The following KDM4C variants were observed in gnomAD, a reference collection of about 807,000 sequenced individuals.
KDM4C encodes the protein lysine demethylase 4C.
KDM4C carries 81 observed loss-of-function variants against 129.3 expected under a neutral mutation model. That is an observed-to-expected ratio of 0.63 (90% CI 0.52 to 0.75). The LOEUF (loss-of-function observed/expected upper bound fraction) is 0.75. Among genes scored for constraint, KDM4C ranks in the 30% least tolerant of loss-of-function variants. The pLI is 0.00. For missense variants in KDM4C, 1,457 were observed against 1,304.0 expected (o/e 1.12, Z -1.81); for synonymous variants, 573 against 456.1 (o/e 1.26, Z -3.26).
chr9:6,752,332 C>CAAAAAAAAA (rs1159747148), intron 1 of KDM4C, among the ~76,000 whole-genome samples: 12 of 19,260 alleles, frequency 6.2e-4, no homozygotes, highest in Non-Finnish European at 1.1e-3. Flanking sequence ...AACTCCGTCT[C>CAAAAAAAAA]AAAAAAAAAA....
intron 17 of KDM4C, among the ~76,000 whole-genome samples, chr9:7,055,689 C>T (rs908291642): frequency 1.3e-5 from 2 of 152,220 alleles, no homozygotes; most frequent in Non-Finnish European, 2.9e-5. Flanking sequence ...TACAATCACA[C>T]TTCCTATTTC....
chr9:6,915,022 T>C (rs978882242), intron 8 of KDM4C, among the ~76,000 whole-genome samples: 1 of 152,242 alleles, frequency 6.6e-6, no homozygotes, highest in Non-Finnish European at 1.5e-5. Context: ...GTTGGACTTA[T>C]AAAAAGGGGC....
At chr9:6,976,671 T>C (rs867199088) in intron 8 of KDM4C, among the ~76,000 whole-genome samples, 2 of 152,186 alleles carry the variant, frequency 1.3e-5, no homozygotes, top group African/African-American at 4.8e-5. Context: ...CAAAGATAAT[T>C]AGCTGATAGC....
chr9:6,931,482 T>G (rs151019555), intron 8 of KDM4C, among the ~76,000 whole-genome samples: 55 of 151,828 alleles, frequency 3.6e-4, no homozygotes, highest in Admixed American at 1.5e-3. Context: ...TGGATGTCAG[T>G]AAGCAATAGT....
intron 17 of KDM4C, among the ~76,000 whole-genome samples, chr9:7,092,109 C>T (rs991252275): frequency 1.3e-5 from 2 of 152,144 alleles, no homozygotes; most frequent in Admixed American, 1.3e-4. Context: ...TTACATTCTG[C>T]TGTTTCTTTT....
intron 5 of KDM4C, among the ~76,000 whole-genome samples, chr9:6,856,913 G>A (rs972158994): frequency 2.6e-5 from 4 of 151,814 alleles, no homozygotes; most frequent in Admixed American, 2.0e-4. Flanking sequence ...GCCCGCCACC[G>A]CGCCCGGCTA....
chr9:6,872,014 G>C (rs1210689473), intron 5 of KDM4C, among the ~76,000 whole-genome samples: 1 of 152,184 alleles, frequency 6.6e-6, no homozygotes, highest in Non-Finnish European at 1.5e-5. Flanking sequence ...GTGGAATCTG[G>C]GTGGGGTTTG....
chr9:7,076,405 A>T (rs1373276183), intron 17 of KDM4C: 2 of 1,470,014 alleles, frequency 1.4e-6, no homozygotes, highest in Non-Finnish European at 1.9e-6. Flanking sequence ...GGCATATTGG[A>T]CTTTTAAAAT....
Position 6,737,050 on chromosome 9 carries a change from CAAAAAAAAAAA to C in KDM4C, c.49+16067_49+16077del, listed in dbSNP as rs566235532. ...TGGGCGACACAGCGAGATTCTGTCT[CAAAAAAAAAAA>C]AAAAAAAAAAAAAGTTTTTCAGTCC... On this transcript the variant is annotated intron_variant, in intron 1 of 17. Coordinates refer to the KDM4C transcript ENST00000536108. 1.9e-4 allele frequency among the ~76,000 whole-genome samples: 7 copies of C among 36,418 alleles called. No individual in the cohort carries two copies. The East Asian group carries it at 3.8e-3, about 20-fold the overall frequency. 23.9% of individuals were successfully genotyped at this position (36,418 alleles called of 152,430 possible).
chr9:6,737,720 A>G (rs1424885565), intron 1 of KDM4C, among the ~76,000 whole-genome samples: 1 of 152,012 alleles, frequency 6.6e-6, no homozygotes, highest in Non-Finnish European at 1.5e-5. Context: ...AATTTTCAAA[A>G]GAAGACATAC....
chr9:6,773,244 C>A (rs1162104746), intron 1 of KDM4C, among the ~76,000 whole-genome samples: 1 of 152,156 alleles, frequency 6.6e-6, no homozygotes, highest in Non-Finnish European at 1.5e-5. Flanking sequence ...TTAAGCGATC[C>A]TCCTGCCTCA....
chr9:6,983,978 TAAG>T (rs2131839732), intron 9 of KDM4C, among the ~76,000 whole-genome samples, 185 bp from the exon 10 acceptor site: 1 of 152,368 alleles, frequency 6.6e-6, no homozygotes, highest in African/African-American at 2.4e-5. Flanking sequence ...TATTGATTGA[TAAG>T]AAAATTGTGT....
rs868637422 is a variant in KDM4C at position 7,148,487 on chromosome 9, G to A, written c.2782-16751G>A. Among the ~76,000 whole-genome samples, 6 of 151,714 alleles carry A rather than the reference G, an allele frequency of 4.0e-5. No homozygotes were observed. In the South Asian group the frequency reaches 8.3e-4, roughly 21 times the overall value. Reference sequence around the variant, plus strand: ...GAGAACAGGAGGGCTGTAGTGTTACGGCAGCTCTGGCTCAGGGAATTCCAA... The same window carrying A: ...GAGAACAGGAGGGCTGTAGTGTTACAGCAGCTCTGGCTCAGGGAATTCCAA... On this transcript the variant is annotated intron_variant, in intron 19 of 21. Coordinates refer to ENST00000381309, the MANE Select transcript of KDM4C (RefSeq NM_015061.6).
At position 7,049,166 on chromosome 9, in the gene KDM4C, A is replaced by T; in HGVS notation, c.2390A>T (p.Asp797Val). 4 of 1,610,892 alleles carry T rather than the reference A, an allele frequency of 2.5e-6. No individual in the cohort carries two copies. Among genetic ancestry groups the T allele is most frequent in the Non-Finnish European group, 2.5e-6 (3 of 1,177,426 alleles). ...AATGTCCCAGAAAGGACACAAATAG[A>T]TGTAGGCAGAATACCTTTACAGAGG... ...FTNVPERTQI[D>V]VGRIPLQRLK... Residue 797 changes from aspartate (D) to valine (V), a missense_variant, in exon 17 of 22, where the codon GAT becomes GTT. Physicochemically the swap from Asp to Val is radical, Grantham distance 152. Coordinates refer to ENST00000381309, the MANE Select transcript of KDM4C (RefSeq NM_015061.6).
Position 6,952,022 on chromosome 9 carries a change from A to G in KDM4C, c.922-28903A>G, listed in dbSNP as rs1828245252. ...ACTTAGCTCATATTTAAAAAATATA[A>G]TAACCAGAGTTTATAAGGCTGAACT... On this transcript the variant is annotated intron_variant, in intron 8 of 21. Transcript: ENST00000381309. Among the ~76,000 whole-genome samples, 2 of 152,186 alleles carry G rather than the reference A, an allele frequency of 1.3e-5. 1 individual carries two copies. The highest frequency in any genetic ancestry group is 4.1e-4 in the South Asian group (2 of 4,832).
chr9:6,897,247 T>C (rs1028062067), intron 8 of KDM4C, among the ~76,000 whole-genome samples: 4 of 152,172 alleles, frequency 2.6e-5, no homozygotes, highest in African/African-American at 9.7e-5. Flanking sequence ...CTGGGGAAAA[T>C]AGGCAGAGGA....
chr9:6,853,951 A>T (rs368076401), intron 5 of KDM4C, among the ~76,000 whole-genome samples: 14 of 152,198 alleles, frequency 9.2e-5, no homozygotes, highest in South Asian at 6.2e-4. Context: ...CCAGGTATAT[A>T]CTGTGTATAA....
chr9:6,820,184 G>A (rs1832782142), intron 4 of KDM4C, among the ~76,000 whole-genome samples: 1 of 152,158 alleles, frequency 6.6e-6, no homozygotes, highest in African/African-American at 2.4e-5. Flanking sequence ...GCCTGCGGGA[G>A]AGGCAGTATG....
chr9:7,137,198 G>T (rs952157722), intron 19 of KDM4C, among the ~76,000 whole-genome samples: 1 of 152,210 alleles, frequency 6.6e-6, no homozygotes, highest in Non-Finnish European at 1.5e-5. Flanking sequence ...CTGGTCCCCT[G>T]TGCCAGCCTG....
Sources: gnomAD v4.1 joint callset for allele counts (sites outside exome capture counted in the v4.1 genomes callset) on GRCh38, gnomAD v4.1.1 for gene constraint, MANE v1.5 for transcripts, NCBI Gene and HGNC (gene_info 2026-07-23, HGNC 2026-07-21) for gene names.